CSMD1: variants seen among roughly 807,000 people sequenced by gnomAD.
The protein encoded by CSMD1 is CUB and Sushi multiple domains 1.
A neutral mutation model predicts 417.5 loss-of-function variants in CSMD1; 213 were observed. The observed-to-expected ratio is 0.51, with a 90% CI of 0.46 to 0.57. CSMD1 has a LOEUF of 0.57. CSMD1 is among the 20% of genes least tolerant of loss of function. The pLI is 0.00. For synonymous variants in CSMD1, 2,862 were observed against 1,736.8 expected (o/e 1.65, Z -16.11); for missense variants, 6,923 against 4,529.7 (o/e 1.53, Z -15.17).
chr8:4,605,832 G>C (rs984766488), intron 2 of CSMD1, among the ~76,000 whole-genome samples: 4 of 152,158 alleles, frequency 2.6e-5, no homozygotes, highest in African/African-American at 4.8e-5. Context: ...GGTGGACAAG[G>C]GTTCGTGTTC....
intron 12 of CSMD1, among the ~76,000 whole-genome samples, chr8:3,415,928 T>C (rs1364633273): frequency 6.6e-6 from 1 of 152,106 alleles, no homozygotes; most frequent in Non-Finnish European, 1.5e-5. Flanking sequence ...TTGAGTTGCA[T>C]ATGATATTTA....
intron 1 of CSMD1, among the ~76,000 whole-genome samples, chr8:4,907,097 G>C (rs774207334): frequency 2.6e-5 from 4 of 152,308 alleles, no homozygotes; most frequent in Non-Finnish European, 5.9e-5. Context: ...ACAAGCCACA[G>C]TTAAGATAAT....
chr8:4,224,499 T>C (rs1222417129), intron 3 of CSMD1, among the ~76,000 whole-genome samples: 1 of 152,156 alleles, frequency 6.6e-6, no homozygotes, highest in South Asian at 2.1e-4. Context: ...CTCAGTTCAG[T>C]GTCTACTAAA....
At chr8:3,621,489 G>A (rs1000781072) in intron 7 of CSMD1, among the ~76,000 whole-genome samples, 21 of 152,096 alleles carry the variant, frequency 1.4e-4, no homozygotes, top group African/African-American at 4.1e-4. Context: ...GTACTTCAGC[G>A]GAGTATGATG....
intron 1 of CSMD1, among the ~76,000 whole-genome samples, chr8:4,940,837 G>A (rs192928838): frequency 4.6e-5 from 7 of 152,248 alleles, no homozygotes; most frequent in Non-Finnish European, 8.8e-5. Context: ...CCATGTGTCA[G>A]GTAAGGCTTA....
chr8:3,564,297 T>A (rs1454523302), intron 10 of CSMD1, among the ~76,000 whole-genome samples: 1 of 151,232 alleles, frequency 6.6e-6, no homozygotes, highest in Admixed American at 6.6e-5. Flanking sequence ...ACGGAGTAAA[T>A]CCTGTAAACT....
intron 10 of CSMD1, among the ~76,000 whole-genome samples, chr8:3,550,142 G>T (rs570938392): frequency 6.6e-6 from 1 of 152,096 alleles, no homozygotes; most frequent in South Asian, 2.1e-4. Context: ...CATGCACGTG[G>T]CCTCAAAATC....
intron 5 of CSMD1, chr8:3,949,829 C>G (rs1250669098): frequency 2.3e-6 from 1 of 443,458 alleles, no homozygotes; most frequent in Non-Finnish European, 4.5e-6. Context: ...CTGCTTCCAT[C>G]TTTCATTGAT....
At chr8:3,637,231 T>C (rs761693424) in intron 7 of CSMD1, among the ~76,000 whole-genome samples, 2 of 152,238 alleles carry the variant, frequency 1.3e-5, no homozygotes, top group Admixed American at 1.3e-4. Flanking sequence ...ACTAGGTAAT[T>C]TGTAATCAGA....
intron 12 of CSMD1, among the ~76,000 whole-genome samples, chr8:3,463,473 C>A (rs1416415397): frequency 1.3e-5 from 2 of 152,180 alleles, no homozygotes; most frequent in African/African-American, 4.8e-5. Context: ...TTATTTGAAG[C>A]CACGTCCTGC....
chr8:3,502,694 G>C (rs910669183), intron 10 of CSMD1, among the ~76,000 whole-genome samples: 1 of 152,200 alleles, frequency 6.6e-6, no homozygotes, highest in Non-Finnish European at 1.5e-5. Flanking sequence ...ATTAGTGATT[G>C]TTAGGGGTTA....
Position 4,201,328 on chromosome 8 carries a change from G to C in CSMD1, c.416-169229C>G, listed in dbSNP as rs187084565. Among the ~76,000 whole-genome samples, 320 of 152,132 alleles carry C rather than the reference G, an allele frequency of 2.1e-3. 1 individual carries two copies. The highest frequency in any genetic ancestry group is 7.5e-3 in the African/African-American group (310 of 41,502). On this transcript the variant is annotated intron_variant, in intron 3 of 69. Coordinates refer to ENST00000635120, the MANE Select transcript of CSMD1 (RefSeq NM_033225.6). ...CCGAGGCGGGCGGATCACGAGGTCA[G>C]GAGATCGAGACCATCTTGGGTAACA...
chr8:3,568,948 A>T (rs1799832384), intron 10 of CSMD1, among the ~76,000 whole-genome samples: 1 of 152,144 alleles, frequency 6.6e-6, no homozygotes, highest in Non-Finnish European at 1.5e-5. Flanking sequence ...AATTACTATA[A>T]CACATGTCTC....
intron 3 of CSMD1, among the ~76,000 whole-genome samples, chr8:4,396,832 G>C (rs915917452): frequency 5.9e-5 from 9 of 152,052 alleles, no homozygotes; most frequent in African/African-American, 2.2e-4. Context: ...GCTAAGCTAT[G>C]AGCATGAAAA....
chr8:4,332,552 TAC>T (rs368534632), intron 3 of CSMD1, among the ~76,000 whole-genome samples: 8,227 of 128,194 alleles, frequency 0.064, 303 homozygotes, highest in Middle Eastern at 0.16. Context: ...TGATATCACA[TAC>T]ACACACACAC....
intron 1 of CSMD1, among the ~76,000 whole-genome samples, chr8:4,905,637 G>A (rs965939788): frequency 1.2e-4 from 18 of 151,672 alleles, no homozygotes; most frequent in Admixed American, 5.3e-4. Context: ...GGCTAACACG[G>A]TGAAACCCCG....
rs555154786 is a variant in CSMD1 at position 3,659,559 on chromosome 8, G to C, written c.1010-42762C>G. Reference sequence around the variant, plus strand: ...TGATCCTAGTTCTTTTTTTCGGGGGGTTATCATATTAGCAAAAATGATTCA... The same window carrying C: ...TGATCCTAGTTCTTTTTTTCGGGGGCTTATCATATTAGCAAAAATGATTCA... On this transcript the variant is annotated intron_variant, in intron 7 of 69. Coordinates refer to ENST00000635120, the MANE Select transcript of CSMD1 (RefSeq NM_033225.6). Among the ~76,000 whole-genome samples, 44 of 152,124 alleles carry C rather than the reference G, an allele frequency of 2.9e-4. 1 individual carries two copies. Among genetic ancestry groups the C allele is most frequent in the Middle Eastern group, 6.8e-3 (2 of 294 alleles).
intron 22 of CSMD1, among the ~76,000 whole-genome samples, chr8:3,345,979 G>A (rs909562511): frequency 4.6e-5 from 7 of 152,138 alleles, no homozygotes; most frequent in Admixed American, 3.9e-4. Context: ...GTTTATTTAC[G>A]TGTGCAGGGG....
intron 6 of CSMD1, among the ~76,000 whole-genome samples, chr8:3,712,322 C>T (rs556133903): frequency 6.6e-6 from 1 of 151,978 alleles, no homozygotes; most frequent in Non-Finnish European, 1.5e-5. Context: ...TCGCCTCTTC[C>T]TCCCTCCAAC....
Sources: allele counts gnomAD v4.1 joint callset (sites outside exome capture counted in the v4.1 genomes callset), GRCh38; gene constraint gnomAD v4.1.1; transcripts MANE v1.5; gene names NCBI Gene and HGNC (gene_info 2026-07-23, HGNC 2026-07-21).